The following PCDHA9 variants were observed in gnomAD, a reference collection of about 807,000 sequenced individuals.
The protein encoded by PCDHA9 is protocadherin alpha 9.
In PCDHA9, 62 loss-of-function variants were observed where a neutral mutation model predicts 62.0. The ratio of observed to expected loss-of-function variants is 1.00; its 90% CI spans 0.81 to 1.23. PCDHA9 has a LOEUF of 1.23. Ranked by LOEUF, PCDHA9 falls within the 50% of genes most tolerant of loss-of-function variation. The probability of loss-of-function intolerance (pLI) is 0.00; values close to 1 mark genes in which losing one functional copy is unlikely to be tolerated. For synonymous variants in PCDHA9, 557 were observed against 567.6 expected (o/e 0.98, Z 0.27); for missense variants, 1,205 against 1,249.8 (o/e 0.96, Z 0.54).
chr5:140,972,754 C>T (rs782389999), intron 1 of PCDHA9, among the ~76,000 whole-genome samples: 1 of 151,316 alleles, frequency 6.6e-6, no homozygotes, highest in African/African-American at 2.4e-5. Flanking sequence ...ACCTCCGCCT[C>T]CCAAGTTAAA....
intron 1 of PCDHA9, among the ~76,000 whole-genome samples, chr5:140,937,039 C>CTTT (rs34994034): frequency 3.6e-5 from 5 of 140,162 alleles, no homozygotes; most frequent in African/African-American, 5.3e-5. Context: ...TTCCATTTAT[C>CTTT]TTTTTTTTTT....
chr5:140,854,474 G>A (rs2043136313), intron 1 of PCDHA9: 1 of 149,900 alleles, frequency 6.7e-6, no homozygotes, highest in Non-Finnish European at 1.5e-5. Context: ...GAGTAGAGAA[G>A]TATAGAAACA....
chr5:140,870,579 G>T (rs1388213173), intron 1 of PCDHA9: 4 of 1,613,744 alleles, frequency 2.5e-6, no homozygotes, highest in Admixed American at 1.7e-5. Context: ...TGTCCTACTC[G>T]CTGGTGGAGC....
intron 1 of PCDHA9, among the ~76,000 whole-genome samples, chr5:140,922,677 G>C (rs545719033): frequency 6.6e-6 from 1 of 152,306 alleles, no homozygotes; most frequent in Admixed American, 6.5e-5. Flanking sequence ...CAGTAAAAAA[G>C]TGAACAGGCT....
At chr5:140,967,885 A>G in intron 1 of PCDHA9, 1 of 1,614,134 alleles carries the variant, frequency 6.2e-7, no homozygotes, top group South Asian at 1.1e-5. Context: ...TGTATAGCCC[A>G]GTGCCTGAGA....
At chr5:140,856,949 ATAAAAG>A in intron 1 of PCDHA9, 1 of 1,592,772 alleles carries the variant, frequency 6.3e-7, no homozygotes, top group Non-Finnish European at 8.6e-7. Context: ...GACGGGAGAA[ATAAAAG>A]TAAATGATGC....
intron 1 of PCDHA9, among the ~76,000 whole-genome samples, chr5:140,909,495 G>A (rs532080413): frequency 7.2e-5 from 11 of 152,278 alleles, no homozygotes; most frequent in African/African-American, 2.6e-4. Context: ...AGCTGAACGG[G>A]GATGTGGTGG....
In PCDHA9 at chr5:140,869,686, A is replaced by T. The variant is rs782130952; in HGVS notation, c.2394+18797A>T. ...TAAGCAGATTAAAAGACTGTCACTT[A>T]TTTTAAAGAAGTCTCTGGATAGAGA... On this transcript the variant is annotated intron_variant, in intron 1 of 3. Transcript: ENST00000532602. The T allele has an allele frequency of 5.6e-6, 9 of 1,613,330 alleles. No homozygotes were observed. In the African/African-American group the frequency reaches 1.2e-4, roughly 22 times the overall value.
intron 1 of PCDHA9, among the ~76,000 whole-genome samples, chr5:140,911,976 A>G (rs1270778875): frequency 6.6e-6 from 1 of 152,218 alleles, no homozygotes; most frequent in Non-Finnish European, 1.5e-5. Context: ...ATTAACTCAC[A>G]TGATCACAAG....
chr5:140,966,260 A>C, intron 1 of PCDHA9: 1 of 339,990 alleles, frequency 2.9e-6, no homozygotes, highest in Admixed American at 4.8e-5. Context: ...GACGGTGGAG[A>C]CTGGATGAAC....
chr5:140,870,200 C>A, intron 1 of PCDHA9: 1 of 1,614,174 alleles, frequency 6.2e-7, no homozygotes, highest in South Asian at 1.1e-5. Flanking sequence ...CAGCCCAGCA[C>A]GGTCATTGCC....
intron 1 of PCDHA9, among the ~76,000 whole-genome samples, chr5:140,899,853 G>T (rs2067594174): frequency 6.6e-6 from 1 of 152,118 alleles, no homozygotes; most frequent in South Asian, 2.1e-4. Context: ...TGTCACCCAG[G>T]CTGGAGTGCA....
Position 140,850,784 on chromosome 5 carries a change from T to C in PCDHA9, c.2289T>C (p.Gly763=), listed in dbSNP as rs2150498192. The C allele has an allele frequency of 4.4e-6, 7 of 1,597,982 alleles. No individual in the cohort carries two copies. The highest frequency in any genetic ancestry group is 1.1e-5 in the South Asian group (1 of 90,516). ...GGCAGAGGGTGTGCTCTGGCGAGGG[T>C]AAGCAGAAGACCGACCTCATGGCCT... ...QRRQRVCSGE[G]KQKTDLMAFS... Residue 763 remains glycine, a synonymous_variant, in exon 1 of 4, where the codon GGT becomes GGC. Coordinates refer to ENST00000532602, the MANE Select transcript of PCDHA9 (RefSeq NM_031857.2).
chr5:140,975,202 T>G (rs143285430), intron 1 of PCDHA9, among the ~76,000 whole-genome samples: 4 of 152,352 alleles, frequency 2.6e-5, no homozygotes, highest in African/African-American at 7.2e-5. Flanking sequence ...TCCATCTTCA[T>G]GGCTGGCACT....
chr5:140,953,283 G>A (rs1377100708), intron 1 of PCDHA9, among the ~76,000 whole-genome samples: 5 of 152,132 alleles, frequency 3.3e-5, no homozygotes, highest in Non-Finnish European at 7.3e-5. Flanking sequence ...CTCTTTATAT[G>A]TGATTCAGGG....
intron 1 of PCDHA9, among the ~76,000 whole-genome samples, chr5:140,942,305 G>A (rs2093264176): frequency 6.6e-6 from 1 of 152,106 alleles, no homozygotes; most frequent in Non-Finnish European, 1.5e-5. Context: ...AGCTACTTGG[G>A]AGGTCGAGGC....
At chr5:140,870,839 T>C (rs1358609489) in intron 1 of PCDHA9, 3 of 1,613,690 alleles carry the variant, frequency 1.9e-6, no homozygotes, top group South Asian at 1.1e-5. Flanking sequence ...GTTAACAAGC[T>C]AGTACCGCGG....
At chr5:140,963,060 T>C (rs539314958) in intron 1 of PCDHA9, among the ~76,000 whole-genome samples, 11 of 152,154 alleles carry the variant, frequency 7.2e-5, no homozygotes, top group Non-Finnish European at 1.6e-4. Context: ...GGTTTCTACA[T>C]TGTGAAGGAG....
intron 3 of PCDHA9, among the ~76,000 whole-genome samples, chr5:140,995,371 C>T (rs143381591): frequency 1.3e-5 from 2 of 152,238 alleles, no homozygotes; most frequent in African/African-American, 2.4e-5. Flanking sequence ...GGATGATTCA[C>T]GTACTGGGCA....
Sources: allele counts gnomAD v4.1 joint callset (sites outside exome capture counted in the v4.1 genomes callset), GRCh38; gene constraint gnomAD v4.1.1; transcripts MANE v1.5; gene names NCBI Gene and HGNC (gene_info 2026-07-23, HGNC 2026-07-21).